ACCSL: variants seen among roughly 807,000 people sequenced by gnomAD.
ACCSL encodes the protein 1-aminocyclopropane-1-carboxylate synthase homolog (inactive) like.
ACCSL carries 55 observed loss-of-function variants against 61.7 expected under a neutral mutation model. That is an observed-to-expected ratio of 0.89 (90% confidence interval 0.72 to 1.12). The LOEUF (loss-of-function observed/expected upper bound fraction) is 1.12, where lower values mean the gene tolerates loss of function less well. Ranked by LOEUF, ACCSL falls within the 50% of genes most tolerant of loss-of-function variation. The pLI is 0.00. For synonymous variants in ACCSL, 258 were observed against 264.3 expected (o/e 0.98, Z 0.23); for missense variants, 632 against 698.0 (o/e 0.91, Z 1.07).
chr11:43,967,092 T>G, the ACCSL span, among the ~76,000 whole-genome samples: 1 of 151,600 alleles, frequency 6.6e-6, no homozygotes, highest in Non-Finnish European at 1.5e-5. Context: ...TCCTTCCAAA[T>G]GCATCTTCAT....
the ACCSL span, among the ~76,000 whole-genome samples, chr11:43,921,898 A>G: frequency 5.3e-4 from 81 of 152,166 alleles, no homozygotes; most frequent in African/African-American, 1.9e-3. Context: ...TCCCTTCTGA[A>G]ATGGCAAGTA....
chr11:44,045,756 T>A (rs1347398301), upstream of ACCSL, among the ~76,000 whole-genome samples: 1 of 152,146 alleles, frequency 6.6e-6, no homozygotes, highest in Non-Finnish European at 1.5e-5. Context: ...GCCCCTAATT[T>A]AACTGAACTG....
At chr11:43,963,213 G>A in the ACCSL span, among the ~76,000 whole-genome samples, 1,807 of 152,302 alleles carry the variant, frequency 0.012, 34 homozygotes, top group African/African-American at 0.04. Context: ...AAATAAGCAC[G>A]CCTAGCTATG....
chr11:44,059,596 G>A (rs534761092), intron 13 of ACCSL, among the ~76,000 whole-genome samples: 2 of 152,330 alleles, frequency 1.3e-5, no homozygotes, highest in African/African-American at 2.4e-5. Context: ...CCATAAGCCC[G>A]AGAGTACAGG....
the ACCSL span, among the ~76,000 whole-genome samples, chr11:43,923,411 A>G: frequency 2.0e-5 from 3 of 152,086 alleles, no homozygotes; most frequent in Non-Finnish European, 4.4e-5. Context: ...GAATGTTTCC[A>G]TAGTGATGCA....
At chr11:43,943,447 G>A in the ACCSL span, 4 of 1,432,296 alleles carry the variant, frequency 2.8e-6, no homozygotes, top group Non-Finnish European at 3.7e-6. The surrounding 1 kb of genome is among the most constrained non-coding windows in gnomAD (Gnocchi z 4.8). Context: ...GCCCCTCGCC[G>A]CGCTCGCCCT....
At chr11:44,045,532 TA>T (rs1952592838), upstream of ACCSL, among the ~76,000 whole-genome samples, 1 of 152,178 alleles carries the variant, frequency 6.6e-6, no homozygotes, top group African/African-American at 2.4e-5. Context: ...CCATGTTTGC[TA>T]TATAAATCTG....
At chr11:44,048,631 T>A in intron 1 of ACCSL, 91 bp downstream of exon 1, 12 of 1,102,704 alleles carry the variant, frequency 1.1e-5, no homozygotes, top group East Asian at 2.4e-5. Flanking sequence ...ATATATGCTC[T>A]CATTCTTTAT....
chr11:43,975,344 A>C, the ACCSL span, among the ~76,000 whole-genome samples: 1 of 152,222 alleles, frequency 6.6e-6, no homozygotes, highest in Non-Finnish European at 1.5e-5. Flanking sequence ...CAAAGATCAA[A>C]TCAAGGTACT....
intron 13 of ACCSL, among the ~76,000 whole-genome samples, chr11:44,059,277 T>C (rs563577762): frequency 1.3e-5 from 2 of 152,136 alleles, no homozygotes; most frequent in East Asian, 3.9e-4. Flanking sequence ...CCGAAAAAAG[T>C]AGTACTCTGC....
the ACCSL span, chr11:43,926,537 G>A: frequency 2.2e-6 from 1 of 454,950 alleles, no homozygotes; most frequent in Non-Finnish European, 4.4e-6. Flanking sequence ...AGAGATTGTG[G>A]GTCAGATGCG....
chr11:43,930,509 T>C, the ACCSL span, among the ~76,000 whole-genome samples: 1 of 152,194 alleles, frequency 6.6e-6, no homozygotes, highest in Non-Finnish European at 1.5e-5. Context: ...ACGCTAGAAC[T>C]GGTTAATTAA....
At chr11:43,940,534 T>A in the ACCSL span, among the ~76,000 whole-genome samples, 1 of 151,336 alleles carries the variant, frequency 6.6e-6, no homozygotes, top group African/African-American at 2.4e-5. Context: ...TTTTTTTTTT[T>A]AATTTTTAGT....
chr11:43,940,601 C>G, the ACCSL span, among the ~76,000 whole-genome samples: 12 of 151,874 alleles, frequency 7.9e-5, no homozygotes, highest in Admixed American at 3.9e-4. Context: ...ACCTTGTGAT[C>G]CGTCCGCCTA....
At chr11:44,029,989 ATTTT>A in the ACCSL span, among the ~76,000 whole-genome samples, 2 of 83,168 alleles carry the variant, frequency 2.4e-5, no homozygotes, top group African/African-American at 1.0e-4. Context: ...ATTTTATTTT[ATTTT>A]ATTTTATTTT....
the ACCSL span, among the ~76,000 whole-genome samples, chr11:43,961,355 C>T: frequency 1.7e-4 from 26 of 152,242 alleles, no homozygotes; most frequent in Middle Eastern, 3.4e-3. Context: ...TCACTGCAAT[C>T]TCTTCTCCTA....
chr11:43,968,380 A>T, the ACCSL span, among the ~76,000 whole-genome samples: 1 of 133,824 alleles, frequency 7.5e-6, no homozygotes, highest in African/African-American at 2.9e-5. Flanking sequence ...CAACCCCCGC[A>T]AGCAATCTCT....
the ACCSL span, among the ~76,000 whole-genome samples, chr11:44,000,525 C>CAA: frequency 0.45 from 47,510 of 106,598 alleles, 10,555 homozygotes; most frequent in Middle Eastern, 0.59. Context: ...GACTCTGTCT[C>CAA]AAAAAAAAAA....
the ACCSL span, among the ~76,000 whole-genome samples, chr11:43,929,397 T>G: frequency 1.9e-5 from 2 of 104,272 alleles, no homozygotes; most frequent in Admixed American, 1.8e-4. Flanking sequence ...TTTTTAACAT[T>G]TATTTATTTA....
Sources: gnomAD v4.1 joint callset for allele counts (sites outside exome capture counted in the v4.1 genomes callset) on GRCh38, gnomAD v4.1.1 for gene constraint, Gnocchi (gnomAD v3.1) non-coding constraint, MANE v1.5 for transcripts, NCBI Gene and HGNC (gene_info 2026-07-23, HGNC 2026-07-21) for gene names.